The following SCAF8 variants were observed in gnomAD, a reference collection of about 807,000 sequenced individuals.
The protein encoded by SCAF8 is SR-related CTD associated factor 8, also known as SR-related and CTD-associated factor 8.
Under a neutral mutation model 140.5 loss-of-function variants are expected in SCAF8, and 23 were observed. The ratio of observed to expected loss-of-function variants is 0.16; its 90% CI spans 0.12 to 0.23. The LOEUF is 0.23. SCAF8 is among the 10% of genes least tolerant of loss of function. SCAF8 has a pLI of 1.00. For missense variants in SCAF8, 1,397 were observed against 1,555.7 expected (o/e 0.90, Z 1.72); for synonymous variants, 575 against 528.9 (o/e 1.09, Z -1.20).
In SCAF8 at chr6:154,733,924, T is replaced by C; in HGVS notation, c.24T>C (p.Asn8=). Residue 8 remains asparagine, a synonymous_variant, in exon 1 of 20, where the codon AAT becomes AAC. Transcript: ENST00000367178. MEAVKTF[N]SELYSLNDYK... ...ACATGGAGGCCGTGAAGACCTTCAA[T>C]AGCGAGGTTGGTATGGCAGCCGGGT... 2 of 1,535,572 alleles carry C rather than the reference T, an allele frequency of 1.3e-6. No individual in the cohort carries two copies. Among genetic ancestry groups the C allele is most frequent in the Non-Finnish European group, 1.7e-6 (2 of 1,148,108 alleles).
intron 1 of SCAF8, among the ~76,000 whole-genome samples, chr6:154,763,749 GAAA>G (rs927231272): frequency 2.0e-5 from 3 of 147,152 alleles, no homozygotes; most frequent in Non-Finnish European, 4.5e-5. Context: ...TATCAAAAAA[GAAA>G]AAAAAAACCC....
At chr6:154,815,382 C>G (rs954648729) in intron 12 of SCAF8, among the ~76,000 whole-genome samples, 1 of 152,132 alleles carries the variant, frequency 6.6e-6, no homozygotes, top group African/African-American at 2.4e-5. Flanking sequence ...TTAGAATCAC[C>G]TAGGGAATTT....
At position 154,812,536 on chromosome 6, in the gene SCAF8, G is replaced by C. The variant is rs990635458; in HGVS notation, c.1420+2328G>C. 2.6e-5 allele frequency among the ~76,000 whole-genome samples: 4 copies of C among 151,896 alleles called. 1 individual carries two copies. Among genetic ancestry groups the C allele is most frequent in the Admixed American group, 1.3e-4 (2 of 15,240 alleles). On this transcript the variant is annotated intron_variant, in intron 12 of 19. Coordinates refer to ENST00000367178, the MANE Select transcript of SCAF8 (RefSeq NM_014892.5). ...GCCTATACAGTGAAAAATAATCTCTGATTGTTTACCTCACAACTCTCCTTA... is the reference window on the plus strand; with the variant it reads ...GCCTATACAGTGAAAAATAATCTCTCATTGTTTACCTCACAACTCTCCTTA...
At chr6:154,803,168 A>G (rs769471643) in intron 7 of SCAF8, among the ~76,000 whole-genome samples, 27 of 152,312 alleles carry the variant, frequency 1.8e-4, no homozygotes, top group Middle Eastern at 3.4e-3. Flanking sequence ...AGCATTCAGA[A>G]GAATAACAGC....
At chr6:154,757,353 A>G (rs557175885) in intron 1 of SCAF8, among the ~76,000 whole-genome samples, 2 of 152,362 alleles carry the variant, frequency 1.3e-5, no homozygotes, top group South Asian at 4.1e-4. Flanking sequence ...ACATGATTGC[A>G]AAACTTGTCA....
intron 1 of SCAF8, among the ~76,000 whole-genome samples, chr6:154,757,112 C>T (rs547185767): frequency 6.6e-6 from 1 of 152,154 alleles, no homozygotes; most frequent in Non-Finnish European, 1.5e-5. Flanking sequence ...TGGGTTCAAG[C>T]AATCCTCCTG....
intron 4 of SCAF8, among the ~76,000 whole-genome samples, chr6:154,789,945 A>AT (rs1562447129): frequency 6.6e-6 from 1 of 152,286 alleles, no homozygotes; most frequent in African/African-American, 2.4e-5. Flanking sequence ...TTATACATGC[A>AT]TTTTTTAGAA....
At chr6:154,734,829 G>A (rs1778368651) in intron 1 of SCAF8, among the ~76,000 whole-genome samples, 1 of 152,144 alleles carries the variant, frequency 6.6e-6, no homozygotes, top group African/African-American at 2.4e-5. Context: ...GTACGCCTTG[G>A]AAAGTGTAAT....
intron 11 of SCAF8, 120 bp from the exon 12 acceptor site, chr6:154,809,895 A>C: frequency 1.2e-6 from 1 of 831,980 alleles, no homozygotes; most frequent in Admixed American, 2.4e-5. Context: ...AGAATATTTT[A>C]ACATATTGTC....
At chr6:154,800,264 G>A (rs1777735480) in intron 6 of SCAF8, among the ~76,000 whole-genome samples, 1 of 151,282 alleles carries the variant, frequency 6.6e-6, no homozygotes, top group African/African-American at 2.4e-5. Context: ...AGAATTTTTT[G>A]TGGTTGTTGA....
chr6:154,828,312 A>G (rs905937313), intron 18 of SCAF8, among the ~76,000 whole-genome samples: 1 of 152,124 alleles, frequency 6.6e-6, no homozygotes, highest in African/African-American at 2.4e-5. Flanking sequence ...GGTACAGCAA[A>G]GTCAGGGTAG....
intron 1 of SCAF8, among the ~76,000 whole-genome samples, chr6:154,747,896 CTGTGTGTGTGTGTGTGTG>C (rs71021073): frequency 2.1e-5 from 3 of 144,642 alleles, no homozygotes; most frequent in Admixed American, 7.0e-5. Context: ...CATTTCATTT[CTGTGTGTGTGTGTGTGTG>C]TGTGTGTGTG....
At chr6:154,792,696 G>A (rs769721989) in intron 4 of SCAF8, 127 bp from the exon 5 acceptor site, 289 of 584,950 alleles carry the variant, frequency 4.9e-4, no homozygotes, top group Non-Finnish European at 6.3e-4. Flanking sequence ...GAATTTTAGG[G>A]CTAGAAAGTA....
chr6:154,783,267 C>T (rs1224324087), intron 3 of SCAF8, among the ~76,000 whole-genome samples: 1 of 152,074 alleles, frequency 6.6e-6, no homozygotes, highest in Non-Finnish European at 1.5e-5. Flanking sequence ...GCAAATGTGT[C>T]TACTAGATTC....
rs1232101968 is a variant in SCAF8 at position 154,832,745 on chromosome 6, G to C, written c.3166G>C (p.Gly1056Arg). 1 of 1,613,938 alleles carries C rather than the reference G, an allele frequency of 6.2e-7. No homozygotes were observed. Among genetic ancestry groups the C allele is most frequent in the South Asian group, 1.1e-5 (1 of 91,074 alleles). ...REGPGRPPLD[G>R]RDHFGRPPVD... Reference sequence around the variant, plus strand: ...AGGTCCTGGACGGCCTCCACTAGATGGTAGGGATCATTTTGGAAGACCTCC... The same window carrying C: ...AGGTCCTGGACGGCCTCCACTAGATCGTAGGGATCATTTTGGAAGACCTCC... The change falls in exon 20 of 20, where the codon GGT (glycine) becomes CGT (arginine). Residue 1056 changes from glycine (G) to arginine (R), a missense_variant. Transcript: ENST00000367178.
At chr6:154,748,272 T>A (rs1042666803) in intron 1 of SCAF8, among the ~76,000 whole-genome samples, 1 of 152,178 alleles carries the variant, frequency 6.6e-6, no homozygotes, top group African/African-American at 2.4e-5. Flanking sequence ...TTTTAAAAAA[T>A]ATTATTCACA....
At chr6:154,736,286 T>TG (rs1479186217) in intron 1 of SCAF8, among the ~76,000 whole-genome samples, 2 of 143,606 alleles carry the variant, frequency 1.4e-5, no homozygotes, top group African/African-American at 2.6e-5. Flanking sequence ...TTTTTTTTTT[T>TG]GGAGACGGAG....
At chr6:154,769,696 CT>C (rs1776680761) in intron 1 of SCAF8, among the ~76,000 whole-genome samples, 1 of 152,108 alleles carries the variant, frequency 6.6e-6, no homozygotes, top group Non-Finnish European at 1.5e-5. Context: ...GGTTTAACAA[CT>C]TTTAATAAGG....
chr6:154,813,595 T>C (rs1778157577), intron 12 of SCAF8, among the ~76,000 whole-genome samples: 1 of 152,186 alleles, frequency 6.6e-6, no homozygotes, highest in South Asian at 2.1e-4. Context: ...GGTTTTGTGG[T>C]AGATTGGATA....
Sources: gnomAD v4.1 joint callset for allele counts (sites outside exome capture counted in the v4.1 genomes callset) on GRCh38, gnomAD v4.1.1 for gene constraint, MANE v1.5 for transcripts, NCBI Gene and HGNC (gene_info 2026-07-23, HGNC 2026-07-21) for gene names.